The following CARMIL1 variants were observed in gnomAD, a reference collection of about 807,000 sequenced individuals.
The protein encoded by CARMIL1 is F-actin-uncapping protein LRRC16A.
In CARMIL1, 90 loss-of-function variants were observed where a neutral mutation model predicts 177.1. The ratio of observed to expected loss-of-function variants is 0.51; its 90% CI spans 0.43 to 0.61. CARMIL1 has a LOEUF of 0.61. Ranked by LOEUF, CARMIL1 falls within the 20% of genes least tolerant of loss-of-function variation. The probability of loss-of-function intolerance (pLI) is 0.00; values close to 1 mark genes in which losing one functional copy is unlikely to be tolerated. For synonymous variants in CARMIL1, 577 were observed against 606.2 expected, an observed-to-expected ratio of 0.95 and a Z score of 0.71; for missense variants, 1,380 against 1,667.0, an observed-to-expected ratio of 0.83 and a Z score of 3.00.
chr6:25,579,067 C>T (rs549950229), intron 29 of CARMIL1, among the ~76,000 whole-genome samples: 1 of 151,128 alleles, frequency 6.6e-6, no homozygotes, highest in Admixed American at 6.6e-5. Flanking sequence ...TCTTTCTGTA[C>T]ATATTATATA....
rs989206044 is a variant in CARMIL1 at position 25,482,450 on chromosome 6, A to C, written c.961+107A>C. The C allele has an allele frequency of 5.4e-6, 3 of 555,622 alleles. No individual in the cohort carries two copies. The African/African-American group carries it at 5.9e-5, about 11-fold the overall frequency. The allele number at this position is 555,622 out of a possible 1,614,324, so 34.4% of individuals were successfully genotyped here. On this transcript the variant is annotated intron_variant, in intron 12 of 36. Coordinates refer to ENST00000329474, the MANE Select transcript of CARMIL1 (RefSeq NM_017640.6). ...ATTTAAAAATACATTAAAAAAATAC[A>C]TTTAAAATATATGTATTATATTACT...
At chr6:25,561,274 C>T (rs970442212) in intron 29 of CARMIL1, among the ~76,000 whole-genome samples, 4 of 152,056 alleles carry the variant, frequency 2.6e-5, no homozygotes, top group Non-Finnish European at 5.9e-5. Flanking sequence ...ATATAGTATA[C>T]CATCTTTAAA....
At chr6:25,393,911 T>C (rs1793125521) in intron 2 of CARMIL1, among the ~76,000 whole-genome samples, 1 of 152,162 alleles carries the variant, frequency 6.6e-6, no homozygotes, top group Admixed American at 6.6e-5. Flanking sequence ...TATTGATGAA[T>C]AATACGTTCT....
intron 2 of CARMIL1, among the ~76,000 whole-genome samples, chr6:25,382,981 G>C (rs1327647482): frequency 1.3e-5 from 2 of 152,134 alleles, no homozygotes; most frequent in Non-Finnish European, 1.5e-5. Context: ...TTGGATGGGG[G>C]TGAGGGAGGG....
chr6:25,532,221 G>A (rs1335492236), intron 24 of CARMIL1, among the ~76,000 whole-genome samples: 1 of 151,320 alleles, frequency 6.6e-6, no homozygotes, highest in African/African-American at 2.4e-5. Flanking sequence ...GCCTCAGCCT[G>A]TCTTTACTTA....
At chr6:25,484,915 A>G (rs576284029) in intron 12 of CARMIL1, among the ~76,000 whole-genome samples, 2 of 152,280 alleles carry the variant, frequency 1.3e-5, no homozygotes, top group Admixed American at 6.5e-5. Flanking sequence ...TTACATCTGT[A>G]ATTCTAGCCA....
intron 31 of CARMIL1, among the ~76,000 whole-genome samples, chr6:25,586,900 A>G (rs919622965): frequency 0.018 from 2,769 of 151,656 alleles, 74 homozygotes; most frequent in African/African-American, 0.058. Flanking sequence ...CCGAGATGGC[A>G]GCAGTACAGT....
intron 34 of CARMIL1, 113 bp from the exon 35 acceptor site, chr6:25,605,948 C>A (rs540424504): frequency 7.2e-6 from 5 of 690,758 alleles, no homozygotes; most frequent in Non-Finnish European, 9.8e-6. Flanking sequence ...ACTCTTAAAA[C>A]ATCCGTGATG....
intron 8 of CARMIL1, among the ~76,000 whole-genome samples, chr6:25,464,052 G>A (rs1018240198): frequency 6.6e-6 from 1 of 151,966 alleles, no homozygotes; most frequent in Non-Finnish European, 1.5e-5. Flanking sequence ...TCGATCTCCT[G>A]ACCTCGTGAT....
At chr6:25,317,602 C>T (rs374883736) in intron 2 of CARMIL1, among the ~76,000 whole-genome samples, 17 of 128,110 alleles carry the variant, frequency 1.3e-4, no homozygotes, top group African/African-American at 3.7e-4. Flanking sequence ...GGGATCTCAT[C>T]GTCACCCAGG....
chr6:25,450,449 C>G, intron 7 of CARMIL1, 40 bp downstream of exon 7: 3 of 1,487,294 alleles, frequency 2.0e-6, no homozygotes, highest in South Asian at 2.3e-5. Context: ...CACACACACT[C>G]CTGGAGAATA....
chr6:25,568,585 G>T, intron 29 of CARMIL1, among the ~76,000 whole-genome samples: 1 of 152,182 alleles, frequency 6.6e-6, no homozygotes. Flanking sequence ...TCAAGACAGG[G>T]TTTTTATCTG....
At chr6:25,401,892 C>T (rs1293803402) in intron 2 of CARMIL1, among the ~76,000 whole-genome samples, 5 of 152,142 alleles carry the variant, frequency 3.3e-5, no homozygotes, top group Admixed American at 6.5e-5. Context: ...GACAGAGGGC[C>T]GGAAGGACAG....
intron 29 of CARMIL1, chr6:25,563,586 C>T (rs900691023): frequency 4.1e-6 from 4 of 985,282 alleles, no homozygotes; most frequent in African/African-American, 3.5e-5. Context: ...TCTTAGGTAG[C>T]GATGAGCTAT....
intron 20 of CARMIL1, among the ~76,000 whole-genome samples, chr6:25,511,758 C>T (rs1001095387): frequency 2.0e-5 from 3 of 152,242 alleles, no homozygotes; most frequent in African/African-American, 4.8e-5. Flanking sequence ...CCTCACTTGC[C>T]GTTGCCCCCA....
chr6:25,355,488 A>G (rs1788501757), intron 2 of CARMIL1, among the ~76,000 whole-genome samples: 1 of 152,054 alleles, frequency 6.6e-6, no homozygotes, highest in Admixed American at 6.6e-5. Context: ...ATGAAAAAAG[A>G]AAAAAAATTA....
intron 2 of CARMIL1, among the ~76,000 whole-genome samples, chr6:25,323,192 G>A (rs1314802521): frequency 6.6e-6 from 1 of 151,826 alleles, no homozygotes; most frequent in Non-Finnish European, 1.5e-5. Flanking sequence ...TTACTTTTTA[G>A]TGACTTTTAT....
intron 2 of CARMIL1, among the ~76,000 whole-genome samples, chr6:25,297,015 A>G (rs556264513): frequency 1.2e-4 from 18 of 152,276 alleles, no homozygotes; most frequent in African/African-American, 2.4e-4. Flanking sequence ...CTGGTCTCCA[A>G]CTGTTGGACT....
rs142013509 is a variant in CARMIL1 at position 25,472,937 on chromosome 6, C to A, written c.874+416C>A. 1.0e-3 allele frequency among the ~76,000 whole-genome samples: 152 copies of A among 152,232 alleles called. 1 individual carries two copies. Among genetic ancestry groups the A allele is most frequent in the African/African-American group, 3.5e-3 (146 of 41,534 alleles). ...AAGTTGTCAGCAAGGGTTGTGCTCT[C>A]ATCTGTAACCTGGAGTCCTCCTTAA... On this transcript the variant is annotated intron_variant, in intron 11 of 36. Transcript: ENST00000329474.
Sources: gnomAD v4.1 joint callset for allele counts (sites outside exome capture counted in the v4.1 genomes callset) on GRCh38, gnomAD v4.1.1 for gene constraint, MANE v1.5 for transcripts, NCBI Gene and HGNC (gene_info 2026-07-23, HGNC 2026-07-21) for gene names.